Variants in SUN1 observed in about 807,000 individuals in gnomAD.
SUN1 encodes the protein SUN domain-containing protein 1.
In SUN1, 61 loss-of-function variants were observed where a neutral mutation model predicts 103.2. The ratio of observed to expected loss-of-function variants is 0.59; its 90% CI spans 0.48 to 0.73. The LOEUF (loss-of-function observed/expected upper bound fraction) is 0.73, where lower values mean the gene tolerates loss of function less well. Among genes scored for constraint, SUN1 ranks in the 30% least tolerant of loss-of-function variants. The pLI, the probability that SUN1 is intolerant of heterozygous loss-of-function variation, is 0.00. For missense variants in SUN1, 1,052 were observed against 1,034.6 expected (o/e 1.02, Z -0.23); for synonymous variants, 490 against 425.7 (o/e 1.15, Z -1.86).
rs756122290 is a variant in SUN1 at position 869,532 on chromosome 7, C to G, written c.2148+16C>G. 3 of 1,608,108 alleles carry G rather than the reference C, an allele frequency of 1.9e-6. No homozygotes were observed. The highest frequency in any genetic ancestry group is 2.6e-6 in the Non-Finnish European group (3 of 1,176,224). ...CGCCGTCTATGTGAGTGCCCTTGGC[C>G]GACCCTCCTCCTCCCACACCTTCCT... On this transcript the variant is annotated intron_variant, in intron 17 of 18. Transcript: ENST00000401592.
At chr7:842,827 T>C in intron 3 of SUN1, 1 of 353,298 alleles carries the variant, frequency 2.8e-6, no homozygotes, top group Non-Finnish European at 5.3e-6. Flanking sequence ...GTGTTTGTTC[T>C]GTTTTGCTCA....
intron 5 of SUN1, chr7:848,574 G>T (rs1428763516): frequency 1.5e-6 from 2 of 1,352,490 alleles, no homozygotes; most frequent in Non-Finnish European, 2.0e-6. Context: ...TCAAAAGATT[G>T]TGAATCCGAA....
At chr7:826,673 C>A (rs1361944054) in intron 1 of SUN1, among the ~76,000 whole-genome samples, 1 of 152,140 alleles carries the variant, frequency 6.6e-6, no homozygotes, top group Non-Finnish European at 1.5e-5. Flanking sequence ...CCAAGGCTTG[C>A]GGGATCCGTG....
intron 1 of SUN1, among the ~76,000 whole-genome samples, chr7:824,602 G>C (rs554454094): frequency 6.6e-6 from 1 of 152,330 alleles, no homozygotes; most frequent in Non-Finnish European, 1.5e-5. Flanking sequence ...AGTGGGGTTT[G>C]TATTAAAAAG....
chr7:847,094 C>T (rs1000880414), intron 5 of SUN1, among the ~76,000 whole-genome samples: 5 of 152,192 alleles, frequency 3.3e-5, no homozygotes, highest in African/African-American at 9.7e-5. Context: ...GTCAGAGGTA[C>T]GAAGCAAATG....
At chr7:852,172 A>G in intron 7 of SUN1, 129 bp downstream of exon 7, 1 of 858,582 alleles carries the variant, frequency 1.2e-6, no homozygotes, top group Non-Finnish European at 1.8e-6. Context: ...TATATTTTAC[A>G]AAAGTGCTTT....
chr7:844,816 A>C (rs1281512329), intron 5 of SUN1, among the ~76,000 whole-genome samples: 1 of 152,118 alleles, frequency 6.6e-6, no homozygotes, highest in Admixed American at 6.5e-5. Context: ...GGAGGCTCGC[A>C]GGTAGGTGGG....
chr7:838,163 C>A (rs976447338), intron 1 of SUN1, among the ~76,000 whole-genome samples: 24 of 152,370 alleles, frequency 1.6e-4, no homozygotes, highest in African/African-American at 5.0e-4. Context: ...CGCAATCCTC[C>A]TGCCTAGGCC....
At chr7:824,616 C>T (rs756533024) in intron 1 of SUN1, among the ~76,000 whole-genome samples, 3 of 152,216 alleles carry the variant, frequency 2.0e-5, no homozygotes, top group Non-Finnish European at 2.9e-5. Flanking sequence ...TAAAAAGATT[C>T]AGTGCCCTTA....
chr7:827,894 C>T (rs982868709), upstream of SUN1, among the ~76,000 whole-genome samples: 5 of 151,974 alleles, frequency 3.3e-5, no homozygotes, highest in East Asian at 3.9e-4. Context: ...GTATAACTTA[C>T]GTAGTTTTTG....
At chr7:845,577 ATACT>A (rs1814771404) in intron 5 of SUN1, among the ~76,000 whole-genome samples, 1 of 152,156 alleles carries the variant, frequency 6.6e-6, no homozygotes, top group South Asian at 2.1e-4. Context: ...TCCCCTCTGC[ATACT>A]TATAGTCAGA....
intron 5 of SUN1, chr7:849,650 C>T: frequency 6.5e-7 from 1 of 1,530,372 alleles, no homozygotes. Flanking sequence ...TGGAGTTGGT[C>T]CCACACGCTG....
Position 857,965 on chromosome 7 carries a change from T to A in SUN1, c.1524+8T>A. 5.2e-6 allele frequency: 8 copies of A among 1,545,108 alleles called. No individual in the cohort carries two copies. Among genetic ancestry groups the A allele is most frequent in the Non-Finnish European group, 7.0e-6 (8 of 1,139,182 alleles). ...GATGCCGTACAAGAAAGAGTGAGCT[T>A]TCTGCATGTTTACTTTTTGTTTTAT... On this transcript the variant is annotated splice_region_variant and intron_variant, in intron 13 of 18. Transcript: ENST00000401592.
At chr7:849,632 G>T (rs376988276) in intron 5 of SUN1, 181 of 1,519,700 alleles carry the variant, frequency 1.2e-4, no homozygotes, top group Non-Finnish European at 1.6e-4. Flanking sequence ...TCCTGTGGGC[G>T]TCGGTCGTGG....
At chr7:818,013 T>C (rs1414215080) in intron 1 of SUN1, among the ~76,000 whole-genome samples, 1 of 152,200 alleles carries the variant, frequency 6.6e-6, no homozygotes, top group Non-Finnish European at 1.5e-5. Flanking sequence ...TGTTTTTTTT[T>C]CCTCCTTTAA....
intron 1 of SUN1, among the ~76,000 whole-genome samples, chr7:836,277 C>A (rs1803086593): frequency 6.6e-6 from 1 of 152,200 alleles, no homozygotes; most frequent in Admixed American, 6.5e-5. Context: ...CCAGAGCACG[C>A]AGGCTTGGCT....
At position 817,247 on chromosome 7, in the gene SUN1, A is replaced by G; in HGVS notation, c.-74+574A>G. ...AGCGCTCGGATCACAGGCGTGAGCC[A>G]CCGCGCCCGGCTGATAGTCGTATTT... On this transcript the variant is annotated intron_variant, in intron 1 of 17. Transcript: ENST00000389574. The G allele has an allele frequency of 1.4e-5, 9 of 656,582 alleles. No individual in the cohort carries two copies. The South Asian group carries it at 1.6e-4, about 12-fold the overall frequency. The allele number at this position is 656,582 out of a possible 1,614,324, so 40.7% of individuals were successfully genotyped here.
Position 852,010 on chromosome 7 carries a change from T to G in SUN1, c.818T>G (p.Leu273Trp). 3 of 1,614,150 alleles carry G rather than the reference T, an allele frequency of 1.9e-6. No homozygotes were observed. The highest frequency in any genetic ancestry group is 2.5e-6 in the Non-Finnish European group (3 of 1,179,990). The stretch of plus-strand genomic sequence containing the variant: ...ATTGGATGGTACCAGTTTGTTACTT[T>G]GATTTCTTGGCTGAATGTGTTTCTT... ...LGIGWYQFVT[L>W]ISWLNVFLLT... The change falls in exon 7 of 19, where the codon TTG (leucine) becomes TGG (tryptophan). Residue 273 changes from leucine (L) to tryptophan (W), a missense_variant. Coordinates refer to ENST00000401592, the MANE Select transcript of SUN1 (RefSeq NM_001130965.3).
intron 15 of SUN1, among the ~76,000 whole-genome samples, chr7:865,716 G>C (rs554917620): frequency 6.6e-6 from 1 of 152,192 alleles, no homozygotes; most frequent in Non-Finnish European, 1.5e-5. Context: ...CAGTGCGTGA[G>C]GGTTCCCTTT....
Sources: allele counts gnomAD v4.1 joint callset (sites outside exome capture counted in the v4.1 genomes callset), GRCh38; gene constraint gnomAD v4.1.1; transcripts MANE v1.5; gene names NCBI Gene and HGNC (gene_info 2026-07-23, HGNC 2026-07-21).